ETS1: variants seen among roughly 807,000 people sequenced by gnomAD.
ETS1 encodes protein C-ets-1.
A neutral mutation model predicts 58.6 loss-of-function variants in ETS1; 15 were observed. The ratio of observed to expected loss-of-function variants is 0.26; its 90% CI spans 0.17 to 0.39. The LOEUF (loss-of-function observed/expected upper bound fraction) is 0.39. Ranked by LOEUF, ETS1 falls within the 10% of genes least tolerant of loss-of-function variation. The pLI is 1.00. For missense variants in ETS1, 417 were observed against 610.5 expected (o/e 0.68, Z 3.34); for synonymous variants, 214 against 218.2 (o/e 0.98, Z 0.17).
rs544067646 is a variant in ETS1 at position 128,516,676 on chromosome 11, C to T, written c.215-26100G>A. ...CACCTGGGGCTGTCTTGTGCCAGGA[C>T]AACTCCAGACCATGTGCCCTGACAC... On this transcript the variant is annotated intron_variant, in intron 3 of 9. Coordinates refer to ENST00000392668, the MANE Select transcript of ETS1 (RefSeq NM_001143820.2). 1.1e-4 allele frequency among the ~76,000 whole-genome samples: 16 copies of T among 152,180 alleles called. No individual in the cohort carries two copies. In the South Asian group the frequency reaches 3.3e-3, roughly 32 times the overall value.
intron 2 of ETS1, among the ~76,000 whole-genome samples, chr11:128,570,823 A>C (rs1267798112): frequency 6.6e-6 from 1 of 152,174 alleles, no homozygotes; most frequent in Non-Finnish European, 1.5e-5. Flanking sequence ...TATGATCTTA[A>C]ACTGCAAGTC....
chr11:128,466,629 C>T (rs936995558), intron 8 of ETS1, among the ~76,000 whole-genome samples: 4 of 152,094 alleles, frequency 2.6e-5, no homozygotes, highest in Non-Finnish European at 2.9e-5. Context: ...ATACGGGACC[C>T]GGTGAGTCTG....
chr11:128,484,175 T>G (rs1357740424), intron 7 of ETS1, among the ~76,000 whole-genome samples: 2 of 152,208 alleles, frequency 1.3e-5, no homozygotes, highest in African/African-American at 4.8e-5. Flanking sequence ...ACTATTATAA[T>G]AGTCACGTTA....
chr11:128,556,544 T>C, intron 2 of ETS1, 109 bp from the exon 3 acceptor site: 1 of 712,476 alleles, frequency 1.4e-6, no homozygotes, highest in Non-Finnish European at 2.2e-6. Context: ...AAGAATCATC[T>C]ATAGATGATG....
At chr11:128,585,689 T>C (rs1413359841) in intron 1 of ETS1, among the ~76,000 whole-genome samples, 9 of 152,220 alleles carry the variant, frequency 5.9e-5, no homozygotes, top group Admixed American at 4.6e-4. Context: ...TGATTTTTCA[T>C]AGCCCTATGC....
chr11:128,535,537 G>T (rs903855415), intron 3 of ETS1, among the ~76,000 whole-genome samples: 1 of 152,088 alleles, frequency 6.6e-6, no homozygotes, highest in Non-Finnish European at 1.5e-5. Flanking sequence ...TTCTTCTAGG[G>T]TTTTTATTGG....
chr11:128,535,747 C>G (rs1350519150), intron 3 of ETS1, among the ~76,000 whole-genome samples: 1 of 152,174 alleles, frequency 6.6e-6, no homozygotes, highest in Non-Finnish European at 1.5e-5. Context: ...TCTTTCCTTG[C>G]TATTTTACCA....
At chr11:128,482,525 A>T (rs1283106794) in intron 7 of ETS1, among the ~76,000 whole-genome samples, 1 of 152,202 alleles carries the variant, frequency 6.6e-6, no homozygotes. Flanking sequence ...AAGGAGTCCC[A>T]CTAAGCAAGG....
chr11:128,583,105 C>T, intron 1 of ETS1, among the ~76,000 whole-genome samples: 1 of 152,310 alleles, frequency 6.6e-6, no homozygotes, highest in African/African-American at 2.4e-5. Flanking sequence ...ACATTTCTAA[C>T]AAGCTCCCAC....
At chr11:128,584,343 A>G (rs933415077) in intron 1 of ETS1, among the ~76,000 whole-genome samples, 12 of 152,236 alleles carry the variant, frequency 7.9e-5, no homozygotes, top group Admixed American at 5.9e-4. Flanking sequence ...TTAGATTCCT[A>G]TGACATGCAG....
rs540996213 is a variant in ETS1, at chr11:128,549,960, A to C, written c.214+6331T>G. ...CATCTGGTTTCTTCGATTCACCTAA[A>C]TCCACACTCACACCATGGCGAAAGG... On this transcript the variant is annotated intron_variant, in intron 3 of 9. Transcript: ENST00000392668. The surrounding 1 kb of genome is among the most constrained non-coding windows in gnomAD (Gnocchi z 4.3). 3.1e-4 allele frequency among the ~76,000 whole-genome samples: 47 copies of C among 152,294 alleles called. No individual in the cohort carries two copies. Among genetic ancestry groups the C allele is most frequent in the Admixed American group, 6.5e-4 (10 of 15,308 alleles).
At chr11:128,522,748 T>G (rs1232536790) in intron 3 of ETS1, among the ~76,000 whole-genome samples, 1 of 152,210 alleles carries the variant, frequency 6.6e-6, no homozygotes, top group East Asian at 1.9e-4. Flanking sequence ...GTTTTCCAAG[T>G]GCGTGTACAT....
intron 3 of ETS1, among the ~76,000 whole-genome samples, chr11:128,493,465 C>T (rs764151697): frequency 6.6e-6 from 1 of 152,250 alleles, no homozygotes; most frequent in Non-Finnish European, 1.5e-5. Context: ...GCCCAGTCCA[C>T]GTGCTGTTGG....
intron 2 of ETS1, among the ~76,000 whole-genome samples, chr11:128,569,255 AC>A (rs1469014730): frequency 7.0e-6 from 1 of 143,162 alleles, no homozygotes; most frequent in African/African-American, 2.6e-5. Context: ...CCTACTGAAA[AC>A]CCCAATACTC....
intron 3 of ETS1, among the ~76,000 whole-genome samples, chr11:128,545,841 G>T (rs1864124961): frequency 6.6e-6 from 1 of 152,220 alleles, no homozygotes; most frequent in South Asian, 2.1e-4. Context: ...GTGGCATCAT[G>T]GTGGTTGGTT....
chr11:128,580,043 C>T (rs77995914), intron 1 of ETS1, among the ~76,000 whole-genome samples: 3,440 of 152,032 alleles, frequency 0.023, 134 homozygotes, highest in African/African-American at 0.078. Context: ...TTTCAGATGA[C>T]ACATAGTAGC....
At chr11:128,482,524 C>CACTAAGCAAGGGGACTAA (rs1862513401) in intron 7 of ETS1, among the ~76,000 whole-genome samples, 1 of 152,268 alleles carries the variant, frequency 6.6e-6, no homozygotes, top group South Asian at 2.1e-4. Flanking sequence ...CAAGGAGTCC[C>CACTAAGCAAGGGGACTAA]ACTAAGCAAG....
chr11:128,511,976 T>C (rs560436097), intron 3 of ETS1, among the ~76,000 whole-genome samples: 1 of 152,330 alleles, frequency 6.6e-6, no homozygotes, highest in South Asian at 2.1e-4. Flanking sequence ...AACTGTAAAA[T>C]GCTACCAGAT....
chr11:128,565,731 T>C (rs1176717787), intron 2 of ETS1, among the ~76,000 whole-genome samples: 1 of 152,246 alleles, frequency 6.6e-6, no homozygotes, highest in Non-Finnish European at 1.5e-5. Context: ...AACATTATGT[T>C]TCAGCAGTCT....
Sources: allele counts gnomAD v4.1 joint callset (sites outside exome capture counted in the v4.1 genomes callset), GRCh38; gene constraint gnomAD v4.1.1; non-coding constraint Gnocchi (gnomAD v3.1); transcripts MANE v1.5; gene names NCBI Gene and HGNC (gene_info 2026-07-23, HGNC 2026-07-21).